The following APP variants were observed in gnomAD, a reference collection of about 807,000 sequenced individuals.
APP encodes amyloid-beta precursor protein.
APP carries 31 observed loss-of-function variants against 101.4 expected under a neutral mutation model. The ratio of observed to expected loss-of-function variants is 0.31; its 90% CI spans 0.23 to 0.41. The LOEUF is 0.41. APP is among the 10% of genes least tolerant of loss of function. The pLI is 1.00. For missense variants in APP, 839 were observed against 1,003.7 expected (o/e 0.84, Z 2.22); for synonymous variants, 366 against 364.4 (o/e 1.00, Z -0.05).
chr21:25,885,791 C>T (rs571635722), intron 17 of APP, among the ~76,000 whole-genome samples: 2 of 152,318 alleles, frequency 1.3e-5, no homozygotes, highest in East Asian at 3.9e-4. Context: ...CCCCCTGACC[C>T]TTTTCTCCCT....
chr21:26,077,350 A>G (rs1442605721), intron 3 of APP, among the ~76,000 whole-genome samples: 1 of 151,900 alleles, frequency 6.6e-6, no homozygotes, highest in African/African-American at 2.4e-5. Context: ...CCACCATCCT[A>G]CTGGTATGGT....
chr21:26,035,130 T>TA (rs375039608), intron 5 of APP, among the ~76,000 whole-genome samples: 10 of 150,512 alleles, frequency 6.6e-5, no homozygotes, highest in East Asian at 1.9e-4. Flanking sequence ...CACTAAAAAT[T>TA]AAAAAAAAAT....
intron 1 of APP, among the ~76,000 whole-genome samples, chr21:26,147,533 A>G (rs1427365575): frequency 3.3e-5 from 5 of 152,304 alleles, no homozygotes; most frequent in East Asian, 1.9e-4. Flanking sequence ...TAAATATAAT[A>G]CACTAATTTT....
chr21:26,008,806 T>C lies in APP; in HGVS notation c.866-8624A>G, dbSNP rs145747961. Among the ~76,000 whole-genome samples the C allele has an allele frequency of 1.7e-3, 262 of 152,300 alleles. 2 individuals are homozygous for C. The highest frequency in any genetic ancestry group is 5.9e-3 in the African/African-American group (247 of 41,556). ...AGCTCAGTAGGTAGATGTCTCAGGA[T>C]TGCCTCATACTTGTTGGTATCTGTA... On this transcript the variant is annotated intron_variant, in intron 6 of 17. Coordinates refer to ENST00000346798, the MANE Select transcript of APP (RefSeq NM_000484.4).
chr21:25,979,857 G>A (rs372483298), intron 9 of APP, among the ~76,000 whole-genome samples: 152,017 of 152,018 alleles, frequency 1, 76,008 homozygotes, highest in Non-Finnish European at 1. Flanking sequence ...CAGGTAGCAG[G>A]CTTCATGACT....
intron 11 of APP, among the ~76,000 whole-genome samples, chr21:25,963,616 T>C (rs1276441270): frequency 1.3e-5 from 2 of 152,198 alleles, no homozygotes; most frequent in Non-Finnish European, 2.9e-5. Context: ...TCAGAACTAT[T>C]ATTTTCACAG....
intron 3 of APP, among the ~76,000 whole-genome samples, chr21:26,069,921 AG>A (rs2146031863): frequency 6.6e-6 from 1 of 152,330 alleles, no homozygotes; most frequent in South Asian, 2.1e-4. Flanking sequence ...CAATAACAAG[AG>A]TTAGCCATGA....
chr21:25,910,579 T>C (rs1023242576), intron 14 of APP, among the ~76,000 whole-genome samples: 12 of 152,190 alleles, frequency 7.9e-5, no homozygotes, highest in Non-Finnish European at 1.5e-4. Context: ...TCTGAACATG[T>C]AGAAAAAGAT....
At chr21:26,059,851 A>G (rs889334661) in intron 3 of APP, among the ~76,000 whole-genome samples, 2 of 139,630 alleles carry the variant, frequency 1.4e-5, no homozygotes, top group Non-Finnish European at 3.0e-5. Context: ...AGATAGCACC[A>G]CTGCAGTCCA....
At position 25,997,107 on chromosome 21, in the gene APP, A is replaced by G. The variant is rs1384765755; in HGVS notation, c.1090+253T>C. On this transcript the variant is annotated intron_variant, in intron 8 of 17. Coordinates refer to ENST00000346798, the MANE Select transcript of APP (RefSeq NM_000484.4). ...TGATGTTGTCCATATAATATTCAATAAAACCAGACTAAATAAAAAGGAAAT... is the reference window on the plus strand; with the variant it reads ...TGATGTTGTCCATATAATATTCAATGAAACCAGACTAAATAAAAAGGAAAT... 25 of 539,336 alleles carry G rather than the reference A, an allele frequency of 4.6e-5. 1 individual carries two copies. The South Asian group carries it at 5.3e-4, about 11-fold the overall frequency. The allele number at this position is 539,336 out of a possible 1,614,324, so 33.4% of individuals were successfully genotyped here.
chr21:26,126,896 A>T (rs1022661308), intron 1 of APP, among the ~76,000 whole-genome samples: 1 of 152,118 alleles, frequency 6.6e-6, no homozygotes, highest in Non-Finnish European at 1.5e-5. Flanking sequence ...CTCAAAACAT[A>T]ATTAATCCAA....
At chr21:26,026,297 C>T (rs928481318) in intron 5 of APP, among the ~76,000 whole-genome samples, 1 of 152,148 alleles carries the variant, frequency 6.6e-6, no homozygotes, top group Non-Finnish European at 1.5e-5. Context: ...AACATTTTTA[C>T]AGAACAAGGG....
intron 1 of APP, among the ~76,000 whole-genome samples, chr21:26,132,286 T>A (rs2062812723): frequency 6.6e-6 from 1 of 152,050 alleles, no homozygotes; most frequent in Admixed American, 6.6e-5. Context: ...ATAACTAAAT[T>A]TAAGGGGGAA....
intron 11 of APP, among the ~76,000 whole-genome samples, chr21:25,961,965 G>T (rs1457701186): frequency 1.3e-5 from 2 of 151,432 alleles, no homozygotes; most frequent in African/African-American, 2.4e-5. Flanking sequence ...TAAATCTTCT[G>T]TTACTAGCAA....
intron 11 of APP, among the ~76,000 whole-genome samples, chr21:25,969,065 G>A (rs568765160): frequency 1.1e-3 from 161 of 151,980 alleles, no homozygotes; most frequent in Non-Finnish European, 1.8e-3. Flanking sequence ...TCCTCAAGAA[G>A]GCATTTAATT....
At chr21:26,013,403 CTTT>C (rs2043906907) in intron 6 of APP, among the ~76,000 whole-genome samples, 1 of 151,156 alleles carries the variant, frequency 6.6e-6, no homozygotes, top group Non-Finnish European at 1.5e-5. Context: ...TGGATTTCTT[CTTT>C]GAGGTTTGAT....
At chr21:25,986,439 C>T (rs2042639705) in intron 8 of APP, among the ~76,000 whole-genome samples, 1 of 152,112 alleles carries the variant, frequency 6.6e-6, no homozygotes, top group African/African-American at 2.4e-5. Context: ...GATGGGGTGG[C>T]TCACACCTGT....
intron 1 of APP, among the ~76,000 whole-genome samples, chr21:26,142,641 A>C (rs1328468041): frequency 2.6e-5 from 4 of 152,040 alleles, no homozygotes; most frequent in African/African-American, 9.7e-5. Context: ...TGGTGGTGCA[A>C]ACCTGTAGTC....
At chr21:26,011,510 G>A (rs549337234) in intron 6 of APP, among the ~76,000 whole-genome samples, 2 of 152,204 alleles carry the variant, frequency 1.3e-5, no homozygotes, top group African/African-American at 4.8e-5. Flanking sequence ...GGGTGCTGCT[G>A]GCATCGAGTA....
Sources: allele counts gnomAD v4.1 joint callset (sites outside exome capture counted in the v4.1 genomes callset), GRCh38; gene constraint gnomAD v4.1.1; transcripts MANE v1.5; gene names NCBI Gene and HGNC (gene_info 2026-07-23, HGNC 2026-07-21).